The following NPR3 variants were observed in gnomAD, a reference collection of about 807,000 sequenced individuals.
NPR3 encodes natriuretic peptide receptor 3, also known as atrial natriuretic peptide receptor 3.
NPR3 carries 34 observed loss-of-function variants against 54.5 expected under a neutral mutation model. The observed-to-expected ratio is 0.62, with a 90% CI of 0.47 to 0.83. The LOEUF (loss-of-function observed/expected upper bound fraction) is 0.83, where lower values mean the gene tolerates loss of function less well. NPR3 is among the 40% of genes least tolerant of loss of function. The pLI, the probability that NPR3 is intolerant of heterozygous loss-of-function variation, is 0.00. For missense variants in NPR3, 674 were observed against 720.8 expected (o/e 0.94, Z 0.74); for synonymous variants, 289 against 297.1 (o/e 0.97, Z 0.28).
intron 2 of NPR3, among the ~76,000 whole-genome samples, chr5:32,725,210 G>A (rs751144400): frequency 6.6e-6 from 1 of 152,132 alleles, no homozygotes; most frequent in East Asian, 1.9e-4. Context: ...CCAGCATCAC[G>A]CAATATTCCC....
At chr5:32,780,676 G>A (rs761043095) in intron 4 of NPR3, 46 bp from the exon 5 acceptor site, 6 of 841,754 alleles carry the variant, frequency 7.1e-6, no homozygotes, top group Admixed American at 6.8e-5. Flanking sequence ...GCAGACAGAG[G>A]TATTTTAAGT....
At chr5:32,731,048 G>A (rs974817386) in intron 2 of NPR3, among the ~76,000 whole-genome samples, 2 of 152,182 alleles carry the variant, frequency 1.3e-5, no homozygotes, top group Non-Finnish European at 2.9e-5. Flanking sequence ...TCCACAATGA[G>A]ATTGAGTTTA....
At position 32,739,000 on chromosome 5, in the gene NPR3, T is replaced by G; in HGVS notation, c.1029T>G (p.Val343=). The part of the protein sequence containing the change: ...EKFSMEVKSS[V]EKQGLNMEDY... Reference sequence around the variant, plus strand: ...TTTCCATGGAGGTGAAAAGTTCAGTTGAGAAACAAGGGCTCAATATGGAGG... The same window carrying G: ...TTTCCATGGAGGTGAAAAGTTCAGTGGAGAAACAAGGGCTCAATATGGAGG... Residue 343 remains valine, a synonymous_variant, in exon 3 of 8, where the codon GTT becomes GTG. Coordinates refer to ENST00000265074, the MANE Select transcript of NPR3 (RefSeq NM_001204375.2). 1 of 1,613,926 alleles carries G rather than the reference T, an allele frequency of 6.2e-7. No individual in the cohort carries two copies. The highest frequency in any genetic ancestry group is 1.1e-5 in the South Asian group (1 of 91,082).
intron 1 of NPR3, among the ~76,000 whole-genome samples, chr5:32,698,182 T>A (rs1221276033): frequency 1.3e-5 from 2 of 152,072 alleles, no homozygotes; most frequent in Non-Finnish European, 2.9e-5. Flanking sequence ...TTTTGGTATG[T>A]TGTGTTCCAT....
chr5:32,767,816 G>C (rs1469721467), intron 3 of NPR3, among the ~76,000 whole-genome samples: 1 of 152,088 alleles, frequency 6.6e-6, no homozygotes, highest in African/African-American at 2.4e-5. Flanking sequence ...CACATCTCTA[G>C]GTGACTCAAA....
chr5:32,786,600 C>T lies in NPR3; in HGVS notation c.*255C>T, dbSNP rs979995. 4.7e-6 allele frequency: 2 copies of T among 425,664 alleles called. No individual in the cohort carries two copies. Among genetic ancestry groups the T allele is most frequent in the African/African-American group, 2.1e-5 (1 of 47,566 alleles). The allele number at this position is 425,664 out of a possible 1,614,324, so 26.4% of individuals were successfully genotyped here. A position where few individuals can be genotyped will look rare whatever the true frequency, so the allele number is the denominator to read the frequency against. Reference sequence around the variant, plus strand: ...TGTTAAATGTTCATACTGTTTCAAGCCCATATGATTAGATTTATGTTTTTA... The same window carrying T: ...TGTTAAATGTTCATACTGTTTCAAGTCCATATGATTAGATTTATGTTTTTA... On this transcript the variant is annotated 3_prime_UTR_variant, in exon 8 of 8. Transcript: ENST00000265074.
At chr5:32,691,455 A>G (rs559830601) in intron 1 of NPR3, among the ~76,000 whole-genome samples, 11 of 152,362 alleles carry the variant, frequency 7.2e-5, no homozygotes, top group African/African-American at 2.6e-4. Context: ...ATTAAAGATC[A>G]GATCCAAAAC....
intron 3 of NPR3, among the ~76,000 whole-genome samples, chr5:32,754,513 G>A (rs915486900): frequency 6.6e-6 from 1 of 152,208 alleles, no homozygotes; most frequent in Admixed American, 6.5e-5. Context: ...TTAAGAGAGA[G>A]GAACTAGAAT....
At chr5:32,718,502 CTATTT>C (rs1358630894) in intron 1 of NPR3, among the ~76,000 whole-genome samples, 1 of 151,978 alleles carries the variant, frequency 6.6e-6, no homozygotes, top group African/African-American at 2.4e-5. Flanking sequence ...TGTTTGTGTC[CTATTT>C]TATTTTATTT....
rs188640265 is a variant in NPR3 at position 32,789,542 on chromosome 5, G to A, written c.*3197G>A. On this transcript the variant is annotated 3_prime_UTR_variant, in exon 8 of 8. Coordinates refer to ENST00000265074, the MANE Select transcript of NPR3 (RefSeq NM_001204375.2). ...TGTTTAATGGAGGGAAGAGAGAAAT[G>A]CATGGGAAAAGAACACCTCCTTTTC... 1.9e-6 allele frequency: 1 copy of A among 534,698 alleles called. No homozygotes were observed. Among genetic ancestry groups the A allele is most frequent in the East Asian group, 5.5e-5 (1 of 18,344 alleles). The allele number at this position is 534,698 out of a possible 1,614,324, so 33.1% of individuals were successfully genotyped here. A position where few individuals can be genotyped will look rare whatever the true frequency, so the allele number is the denominator to read the frequency against.
chr5:32,746,199 C>T (rs943485275), intron 3 of NPR3, among the ~76,000 whole-genome samples: 1 of 152,118 alleles, frequency 6.6e-6, no homozygotes, highest in Admixed American at 6.5e-5. Flanking sequence ...GTAAGAGGTA[C>T]CTTTCAAATT....
intron 2 of NPR3, among the ~76,000 whole-genome samples, chr5:32,735,040 G>C (rs1232226392): frequency 6.6e-6 from 1 of 152,046 alleles, no homozygotes; most frequent in Non-Finnish European, 1.5e-5. Flanking sequence ...TTTCTGCACT[G>C]TATTTCATGT....
chr5:32,726,989 T>C (rs1389884519), intron 2 of NPR3, among the ~76,000 whole-genome samples: 1 of 152,244 alleles, frequency 6.6e-6, no homozygotes, highest in Non-Finnish European at 1.5e-5. Context: ...TTCCCAGCTT[T>C]TTGCTATTAA....
chr5:32,764,718 G>A (rs1333567369), intron 3 of NPR3, among the ~76,000 whole-genome samples: 1 of 147,950 alleles, frequency 6.8e-6, no homozygotes, highest in Non-Finnish European at 1.5e-5. Context: ...AACCCAGGAG[G>A]TGGAGGTTGC....
intron 1 of NPR3, among the ~76,000 whole-genome samples, chr5:32,720,599 A>G (rs1240395477): frequency 6.6e-6 from 1 of 152,258 alleles, no homozygotes; most frequent in African/African-American, 2.4e-5. Context: ...GAAATAGAGT[A>G]GAATGAAGAA....
chr5:32,705,220 C>G (rs564482638), upstream of NPR3, among the ~76,000 whole-genome samples: 26 of 152,196 alleles, frequency 1.7e-4, no homozygotes, highest in Admixed American at 3.3e-4. Flanking sequence ...CAGAAGTTTA[C>G]AAATAGATAA....
At chr5:32,695,015 T>C (rs1740488645) in intron 1 of NPR3, among the ~76,000 whole-genome samples, 1 of 152,350 alleles carries the variant, frequency 6.6e-6, no homozygotes, top group Non-Finnish European at 1.5e-5. Context: ...GTTCCATCCA[T>C]GTTGTTGCAC....
Position 32,763,989 on chromosome 5 carries a change from T to G in NPR3, c.1060-10719T>G, listed in dbSNP as rs190669969. Among the ~76,000 whole-genome samples the G allele has an allele frequency of 1.6e-4, 25 of 152,318 alleles. No homozygotes were observed. The East Asian group carries it at 3.1e-3, about 19-fold the overall frequency. On this transcript the variant is annotated intron_variant, in intron 3 of 7. Transcript: ENST00000265074. Reference sequence around the variant, plus strand: ...AATTGTTAGTCTTTGGACATAGTCTTGACTCCTAACCTGTGGTCCTTTTGT... The same window carrying G: ...AATTGTTAGTCTTTGGACATAGTCTGGACTCCTAACCTGTGGTCCTTTTGT...
At chr5:32,728,044 C>A (rs1225572621) in intron 2 of NPR3, among the ~76,000 whole-genome samples, 1 of 152,100 alleles carries the variant, frequency 6.6e-6, no homozygotes, top group Admixed American at 6.5e-5. Flanking sequence ...AAATATTGGG[C>A]CACCATGGCA....
Sources: allele counts gnomAD v4.1 joint callset (sites outside exome capture counted in the v4.1 genomes callset), GRCh38; gene constraint gnomAD v4.1.1; transcripts MANE v1.5; gene names NCBI Gene and HGNC (gene_info 2026-07-23, HGNC 2026-07-21).